SHISA9: variants seen among roughly 807,000 people sequenced by gnomAD.
SHISA9 encodes shisa family member 9, also known as protein shisa-9.
In SHISA9, 13 loss-of-function variants were observed where a neutral mutation model predicts 38.0. The observed-to-expected ratio is 0.34, with a 90% CI of 0.22 to 0.54. SHISA9 has a LOEUF of 0.54. SHISA9 is among the 20% of genes least tolerant of loss of function. The pLI, the probability that SHISA9 is intolerant of heterozygous loss-of-function variation, is 0.91. For synonymous variants in SHISA9, 275 were observed against 242.0 expected, an observed-to-expected ratio of 1.14 and a Z score of -1.27; for missense variants, 538 against 575.8, an observed-to-expected ratio of 0.93 and a Z score of 0.67.
At chr16:12,986,443 T>A (rs987516757) in intron 2 of SHISA9, among the ~76,000 whole-genome samples, 1 of 152,192 alleles carries the variant, frequency 6.6e-6, no homozygotes, top group Non-Finnish European at 1.5e-5. Flanking sequence ...TATTTTGTGT[T>A]TTGTGGAGCG....
chr16:13,079,075 G>T (rs370043385), intron 2 of SHISA9, among the ~76,000 whole-genome samples: 1 of 152,164 alleles, frequency 6.6e-6, no homozygotes, highest in Non-Finnish European at 1.5e-5. Flanking sequence ...TCTTTAAAAC[G>T]TGGCTAATAG....
intron 2 of SHISA9, among the ~76,000 whole-genome samples, chr16:13,054,562 T>C (rs1047979112): frequency 6.6e-6 from 1 of 152,228 alleles, no homozygotes; most frequent in Non-Finnish European, 1.5e-5. Flanking sequence ...ATAATCTCCT[T>C]TTAAACATAG....
At chr16:13,344,024 C>A in the SHISA9 span, among the ~76,000 whole-genome samples, 2 of 152,162 alleles carry the variant, frequency 1.3e-5, no homozygotes, top group African/African-American at 4.8e-5. Context: ...AAAGACCATG[C>A]CCTTCTCTGC....
chr16:13,022,140 A>G (rs2072863392), intron 2 of SHISA9, among the ~76,000 whole-genome samples: 1 of 151,226 alleles, frequency 6.6e-6, no homozygotes, highest in Admixed American at 6.6e-5. Flanking sequence ...CGTGTCTCAA[A>G]TCTCCCCCTG....
the SHISA9 span, among the ~76,000 whole-genome samples, chr16:13,538,891 A>G: frequency 1.3e-5 from 2 of 152,184 alleles, no homozygotes; most frequent in Admixed American, 1.3e-4. Flanking sequence ...TTTGGATTAA[A>G]AAAACACTAT....
At chr16:13,528,379 A>G in the SHISA9 span, among the ~76,000 whole-genome samples, 1 of 152,034 alleles carries the variant, frequency 6.6e-6, no homozygotes, top group Non-Finnish European at 1.5e-5. Flanking sequence ...CAGTGAAGGA[A>G]AGTGCAAAGA....
At chr16:13,147,847 C>A (rs1209645083) in intron 2 of SHISA9, among the ~76,000 whole-genome samples, 1 of 152,124 alleles carries the variant, frequency 6.6e-6, no homozygotes, top group Admixed American at 6.6e-5. Flanking sequence ...TGGACACCTC[C>A]ACCGGGTGGG....
chr16:13,355,857 G>C, the SHISA9 span, among the ~76,000 whole-genome samples: 57 of 152,218 alleles, frequency 3.7e-4, no homozygotes, highest in African/African-American at 1.4e-3. Flanking sequence ...GAAGATCTGG[G>C]AAGGAGTCAG....
the SHISA9 span, among the ~76,000 whole-genome samples, chr16:13,308,315 C>T: frequency 6.6e-6 from 1 of 151,722 alleles, no homozygotes; most frequent in South Asian, 2.1e-4. Context: ...ATGAAAAGCA[C>T]CATATAAATT....
At chr16:13,552,213 T>C in the SHISA9 span, among the ~76,000 whole-genome samples, 2 of 152,082 alleles carry the variant, frequency 1.3e-5, no homozygotes, top group Non-Finnish European at 1.5e-5. Context: ...AGCGAGGAGC[T>C]CAGGCTCTGC....
At chr16:13,482,836 C>G in the SHISA9 span, among the ~76,000 whole-genome samples, 1 of 149,798 alleles carries the variant, frequency 6.7e-6, no homozygotes, top group Non-Finnish European at 1.5e-5. Flanking sequence ...GAGACGTGTC[C>G]AAGGTCACCG....
intron 2 of SHISA9, among the ~76,000 whole-genome samples, chr16:13,073,559 T>G (rs1299280366): frequency 6.6e-6 from 1 of 152,132 alleles, no homozygotes; most frequent in Non-Finnish European, 1.5e-5. Flanking sequence ...AAATGCTGGA[T>G]GTGGGGCCCG....
chr16:12,966,622 G>A (rs2141801092), intron 2 of SHISA9, among the ~76,000 whole-genome samples: 1 of 152,320 alleles, frequency 6.6e-6, no homozygotes, highest in East Asian at 1.9e-4. Flanking sequence ...AGATTAGGAA[G>A]CCAAGGTACA....
At chr16:13,006,741 C>T (rs1280414811) in intron 2 of SHISA9, among the ~76,000 whole-genome samples, 3 of 152,168 alleles carry the variant, frequency 2.0e-5, no homozygotes, top group East Asian at 1.9e-4. Context: ...AATAGACATC[C>T]GTCACTGATT....
the SHISA9 span, among the ~76,000 whole-genome samples, chr16:13,361,635 A>G: frequency 6.6e-6 from 1 of 152,296 alleles, no homozygotes. Context: ...TAAAACATGA[A>G]TCTTTTTCCT....
At chr16:13,405,192 G>A in the SHISA9 span, among the ~76,000 whole-genome samples, 1 of 152,176 alleles carries the variant, frequency 6.6e-6, no homozygotes, top group Non-Finnish European at 1.5e-5. Context: ...TAATTGCAAT[G>A]AAATCTGGAT....
chr16:13,256,079 A>G, the SHISA9 span, among the ~76,000 whole-genome samples: 1 of 152,100 alleles, frequency 6.6e-6, no homozygotes, highest in Non-Finnish European at 1.5e-5. Context: ...AAGTTCCCCC[A>G]TACATTCACC....
chr16:13,115,314 G>C (rs2074021403), intron 2 of SHISA9, among the ~76,000 whole-genome samples: 1 of 152,176 alleles, frequency 6.6e-6, no homozygotes, highest in Admixed American at 6.5e-5. Context: ...TCAGAGCTGA[G>C]AGCCCCGAAC....
chr16:12,920,635 AC>A (rs1351477944), intron 2 of SHISA9, among the ~76,000 whole-genome samples: 1 of 152,210 alleles, frequency 6.6e-6, no homozygotes, highest in African/African-American at 2.4e-5. Context: ...CCTACTATGT[AC>A]CAGCAAACAT....
Sources: gnomAD v4.1 joint callset for allele counts (sites outside exome capture counted in the v4.1 genomes callset) on GRCh38, gnomAD v4.1.1 for gene constraint, MANE v1.5 for transcripts, NCBI Gene and HGNC (gene_info 2026-07-23, HGNC 2026-07-21) for gene names.